MAPKBP1: variants seen among roughly 807,000 people sequenced by gnomAD.
MAPKBP1 encodes mitogen-activated protein kinase-binding protein 1.
In MAPKBP1, 71 loss-of-function variants were observed where a neutral mutation model predicts 170.5. The observed-to-expected ratio is 0.42, with a 90% CI of 0.34 to 0.51. The LOEUF (loss-of-function observed/expected upper bound fraction) is 0.51. Ranked by LOEUF, MAPKBP1 falls within the 20% of genes least tolerant of loss-of-function variation. MAPKBP1 has a pLI of 0.06. For missense variants in MAPKBP1, 1,598 were observed against 1,933.0 expected, an observed-to-expected ratio of 0.83 and a Z score of 3.25; for synonymous variants, 719 against 757.9, an observed-to-expected ratio of 0.95 and a Z score of 0.84.
rs2064817258 is a variant in MAPKBP1 at position 41,812,131 on chromosome 15, A to G, written c.498+4A>G. On this transcript the variant is annotated splice_donor_region_variant and intron_variant, in intron 6 of 30. Coordinates refer to ENST00000457542, the MANE Select transcript of MAPKBP1 (RefSeq NM_014994.3). ...CGTCAACGTGTGGGCCTGGAAGGTG[A>G]GTGGCTGGGTGGGGTGGCCTGGCAG... is the stretch of plus-strand genomic sequence containing the variant. The G allele has an allele frequency of 6.2e-7, 1 of 1,613,796 alleles. No homozygotes were observed. Among genetic ancestry groups the G allele is most frequent in the Non-Finnish European group, 8.5e-7 (1 of 1,179,978 alleles).
chr15:41,794,546 C>T (rs1057205277), intron 2 of MAPKBP1, among the ~76,000 whole-genome samples: 4 of 152,138 alleles, frequency 2.6e-5, no homozygotes, highest in Non-Finnish European at 4.4e-5. Context: ...TGCTTGTCCT[C>T]GGTCGGTCAT....
intron 2 of MAPKBP1, among the ~76,000 whole-genome samples, chr15:41,791,765 G>A (rs1022082277): frequency 2.0e-5 from 3 of 152,042 alleles, no homozygotes; most frequent in Non-Finnish European, 4.4e-5. Flanking sequence ...CACTTCACTG[G>A]CTTCCTGGTT....
Position 41,811,271 on chromosome 15 carries a change from G to A in MAPKBP1, c.327+36G>A, listed in dbSNP as rs375385263. The A allele has an allele frequency of 3.1e-6, 5 of 1,612,922 alleles. No individual in the cohort carries two copies. In the East Asian group the frequency reaches 6.7e-5, roughly 22 times the overall value. On this transcript the variant is annotated intron_variant, in intron 5 of 30. Coordinates refer to ENST00000457542, the MANE Select transcript of MAPKBP1 (RefSeq NM_014994.3). ...AAGAGGGCTGGCAGTACTGTAAAGA[G>A]GGCAGGTGTCCTGGCCTCCGCAGAG...
chr15:41,788,092 C>T (rs1039823411), intron 2 of MAPKBP1, among the ~76,000 whole-genome samples: 2 of 151,854 alleles, frequency 1.3e-5, no homozygotes, highest in East Asian at 3.9e-4. Context: ...CAAGTAGCTG[C>T]GATTACAGGC....
intron 22 of MAPKBP1, 147 bp from the exon 23 acceptor site, chr15:41,820,685 A>G: frequency 3.1e-6 from 2 of 640,282 alleles, no homozygotes; most frequent in South Asian, 1.9e-5. Flanking sequence ...CAAGGATTAT[A>G]CTAGTGCCCA....
At chr15:41,785,167 A>C (rs1190479686) in intron 2 of MAPKBP1, among the ~76,000 whole-genome samples, 1 of 152,198 alleles carries the variant, frequency 6.6e-6, no homozygotes, top group Non-Finnish European at 1.5e-5. Flanking sequence ...ATTTGTTAGC[A>C]AGATTTTATT....
At chr15:41,787,560 G>C (rs1349792304) in intron 2 of MAPKBP1, among the ~76,000 whole-genome samples, 2 of 152,058 alleles carry the variant, frequency 1.3e-5, no homozygotes, top group Non-Finnish European at 2.9e-5. Context: ...TAGAGATGGG[G>C]TTTCACCATG....
chr15:41,798,835 C>T (rs1359193239), intron 2 of MAPKBP1, among the ~76,000 whole-genome samples: 1 of 152,176 alleles, frequency 6.6e-6, no homozygotes, highest in East Asian at 1.9e-4. Flanking sequence ...GTCCTGCATT[C>T]TGAAGCCCCA....
chr15:41,809,707 G>A (rs775498078), intron 3 of MAPKBP1, among the ~76,000 whole-genome samples: 4 of 152,376 alleles, frequency 2.6e-5, no homozygotes, highest in Non-Finnish European at 5.9e-5. Flanking sequence ...GAAGCTGCCT[G>A]GCTATTGGCC....
chr15:41,798,608 G>T (rs181799720), intron 2 of MAPKBP1, among the ~76,000 whole-genome samples: 17 of 152,154 alleles, frequency 1.1e-4, no homozygotes, highest in Admixed American at 3.3e-4. Flanking sequence ...TTAATTCTGC[G>T]GTTGGAGCAA....
Position 41,786,491 on chromosome 15 carries a change from G to A in MAPKBP1, c.114+11102G>A, listed in dbSNP as rs143779531. Among the ~76,000 whole-genome samples the A allele has an allele frequency of 3.1e-3, 477 of 152,042 alleles. 3 individuals carry two copies. Among genetic ancestry groups the A allele is most frequent in the Non-Finnish European group, 5.5e-3 (374 of 67,984 alleles). ...AAAAATATATCTGGTATAGCCGGGC[G>A]TGGTGGCTCACACCTGTAATCCCAG... On this transcript the variant is annotated intron_variant, in intron 2 of 30. Coordinates refer to ENST00000457542, the MANE Select transcript of MAPKBP1 (RefSeq NM_014994.3).
At position 41,827,822 on chromosome 15, in the gene MAPKBP1, T is replaced by A. The variant is rs902193671; in HGVS notation, c.*2386T>A. The A allele has an allele frequency of 6.8e-5, 25 of 365,840 alleles. No individual in the cohort carries two copies. In the East Asian group the frequency reaches 1.2e-3, roughly 17 times the overall value. The allele number at this position is 365,840 out of a possible 1,614,324, so 22.7% of individuals were successfully genotyped here. ...TTTAACGTGCCCGTTTGTACTGATG[T>A]ATGAACTTGTCAATAAACACAATTG... On this transcript the variant is annotated 3_prime_UTR_variant, in exon 31 of 31. Transcript: ENST00000457542.
chr15:41,774,680 C>T (rs946995357), intron 1 of MAPKBP1, 70 bp downstream of exon 1: 1 of 398,920 alleles, frequency 2.5e-6, no homozygotes, highest in Non-Finnish European at 4.4e-6. Context: ...AGATAAAGGT[C>T]CAGAGCCGCT....
chr15:41,811,424 A>G (rs774560991), intron 5 of MAPKBP1, 189 bp downstream of exon 5: 1 of 713,468 alleles, frequency 1.4e-6, no homozygotes, highest in African/African-American at 1.7e-5. Context: ...GGGCTTGTGA[A>G]AGCACACATC....
chr15:41,818,440 C>T lies in MAPKBP1; in HGVS notation c.2093-79C>T, dbSNP rs1596094338. 2 of 1,481,002 alleles carry T rather than the reference C, an allele frequency of 1.4e-6. No individual in the cohort carries two copies. Among genetic ancestry groups the T allele is most frequent in the Admixed American group, 1.7e-5 (1 of 58,228 alleles). The allele number at this position is 1,481,002 out of a possible 1,614,324, so 91.7% of individuals were successfully genotyped here. On this transcript the variant is annotated intron_variant, in intron 18 of 30. Coordinates refer to ENST00000457542, the MANE Select transcript of MAPKBP1 (RefSeq NM_014994.3). The surrounding 1 kb of genome is among the most constrained non-coding windows in gnomAD (Gnocchi z 5.2). ...CCTATCCCTACCCTGCAGCCAACCCCCGTGTCCACTGTTGGGATGGAGAGG... is the reference window on the plus strand; with the variant it reads ...CCTATCCCTACCCTGCAGCCAACCCTCGTGTCCACTGTTGGGATGGAGAGG...
intron 2 of MAPKBP1, among the ~76,000 whole-genome samples, chr15:41,784,608 C>T (rs1447320824): frequency 5.9e-5 from 9 of 151,596 alleles, no homozygotes; most frequent in Admixed American, 5.9e-4. Context: ...ATGCTGAAAC[C>T]CCGTCTCTAC....
rs2064899499 is a variant in MAPKBP1 at position 41,816,788 on chromosome 15, T to C, written c.1586-122T>C. On this transcript the variant is annotated intron_variant, in intron 13 of 30. Coordinates refer to ENST00000457542, the MANE Select transcript of MAPKBP1 (RefSeq NM_014994.3). Reference sequence around the variant, plus strand: ...GCTGGTTTAGAGGAAGACAGCTCTGTCCTTGCTCCATGGTTCACATGGCTT... The same window carrying C: ...GCTGGTTTAGAGGAAGACAGCTCTGCCCTTGCTCCATGGTTCACATGGCTT... The C allele has an allele frequency of 6.0e-6, 9 of 1,489,124 alleles. No individual in the cohort carries two copies. In the South Asian group the frequency reaches 1.1e-4, roughly 18 times the overall value. 92.2% of individuals were successfully genotyped at this position (1,489,124 alleles called of 1,614,324 possible).
chr15:41,787,043 C>T lies in MAPKBP1; in HGVS notation c.114+11654C>T, dbSNP rs549893255. On this transcript the variant is annotated intron_variant, in intron 2 of 30. Coordinates refer to ENST00000457542, the MANE Select transcript of MAPKBP1 (RefSeq NM_014994.3). Reference sequence around the variant, plus strand: ...CCTCCCGAGTAGCTGGGATTACAGGCGTAATCCTGACCTCAGGTGATCCAT... The same window carrying T: ...CCTCCCGAGTAGCTGGGATTACAGGTGTAATCCTGACCTCAGGTGATCCAT... 1.7e-4 allele frequency among the ~76,000 whole-genome samples: 25 copies of T among 151,086 alleles called. 1 individual carries two copies. Among genetic ancestry groups the T allele is most frequent in the East Asian group, 1.2e-3 (6 of 5,032 alleles).
intron 2 of MAPKBP1, among the ~76,000 whole-genome samples, chr15:41,798,409 A>G (rs2064533568): frequency 6.6e-6 from 1 of 151,222 alleles, no homozygotes; most frequent in Admixed American, 6.6e-5. Context: ...CAGCCTCCTG[A>G]TTAGCTGGGA....
Sources: gnomAD v4.1 joint callset for allele counts (sites outside exome capture counted in the v4.1 genomes callset) on GRCh38, gnomAD v4.1.1 for gene constraint, Gnocchi (gnomAD v3.1) non-coding constraint, MANE v1.5 for transcripts, NCBI Gene and HGNC (gene_info 2026-07-23, HGNC 2026-07-21) for gene names.